The following MAPKAP1 variants were observed in gnomAD, a reference collection of about 807,000 sequenced individuals.
MAPKAP1 encodes the protein MAPK associated protein 1, also known as target of rapamycin complex 2 subunit MAPKAP1.
MAPKAP1 carries 20 observed loss-of-function variants against 65.7 expected under a neutral mutation model. That is an observed-to-expected ratio of 0.30 (90% confidence interval 0.21 to 0.44). The LOEUF (loss-of-function observed/expected upper bound fraction) is 0.44, where lower values mean the gene tolerates loss of function less well. Ranked by LOEUF, MAPKAP1 falls within the 20% of genes least tolerant of loss-of-function variation. The pLI is 1.00. For synonymous variants in MAPKAP1, 222 were observed against 244.3 expected (o/e 0.91, Z 0.85); for missense variants, 423 against 648.0 (o/e 0.65, Z 3.77).
At chr9:125,603,406 G>A (rs895407474) in intron 4 of MAPKAP1, among the ~76,000 whole-genome samples, 4 of 33,714 alleles carry the variant, frequency 1.2e-4, no homozygotes, top group Admixed American at 4.7e-4. Flanking sequence ...GGAGAGATGG[G>A]CGAGCAAGCA....
At chr9:125,573,611 G>A (rs780285005) in intron 5 of MAPKAP1, among the ~76,000 whole-genome samples, 11 of 152,122 alleles carry the variant, frequency 7.2e-5, no homozygotes, top group Non-Finnish European at 1.2e-4. Context: ...TTTCTTGCAT[G>A]AGATCCAAAA....
chr9:125,627,013 AT>A, intron 4 of MAPKAP1, among the ~76,000 whole-genome samples: 1 of 152,128 alleles, frequency 6.6e-6, no homozygotes. Context: ...CTTATCACTT[AT>A]TTTTTTCACC....
At chr9:125,535,060 T>A (rs1277295802) in intron 7 of MAPKAP1, among the ~76,000 whole-genome samples, 1 of 152,214 alleles carries the variant, frequency 6.6e-6, no homozygotes, top group Non-Finnish European at 1.5e-5. Flanking sequence ...AGAACATAAA[T>A]GCACTTCTAT....
At chr9:125,547,658 G>T (rs937321021) in intron 6 of MAPKAP1, among the ~76,000 whole-genome samples, 1 of 152,164 alleles carries the variant, frequency 6.6e-6, no homozygotes, top group Non-Finnish European at 1.5e-5. Context: ...TGCTTATCGG[G>T]GGGTGGGAGT....
chr9:125,614,578 T>G (rs1224198730), intron 4 of MAPKAP1, among the ~76,000 whole-genome samples: 1 of 152,136 alleles, frequency 6.6e-6, no homozygotes, highest in Non-Finnish European at 1.5e-5. Flanking sequence ...TGAGCCAAGA[T>G]CGCGCCATTG....
chr9:125,562,064 T>C (rs1830908845), intron 5 of MAPKAP1, among the ~76,000 whole-genome samples: 1 of 152,200 alleles, frequency 6.6e-6, no homozygotes, highest in Non-Finnish European at 1.5e-5. Flanking sequence ...ACAGATTATT[T>C]ATTGCCATGT....
intron 1 of MAPKAP1, among the ~76,000 whole-genome samples, chr9:125,704,550 C>A (rs1835702120): frequency 6.6e-6 from 1 of 152,118 alleles, no homozygotes; most frequent in Non-Finnish European, 1.5e-5. Flanking sequence ...TTTGTATCCC[C>A]AAGGTCTAAC....
intron 4 of MAPKAP1, among the ~76,000 whole-genome samples, chr9:125,646,204 T>A (rs1476271479): frequency 5.9e-5 from 9 of 152,110 alleles, no homozygotes; most frequent in African/African-American, 2.2e-4. Context: ...CTTAGTATTA[T>A]AAATGCCTGG....
At chr9:125,576,550 G>A (rs1053180977) in intron 5 of MAPKAP1, among the ~76,000 whole-genome samples, 7 of 151,900 alleles carry the variant, frequency 4.6e-5, no homozygotes, top group East Asian at 1.9e-4. Flanking sequence ...CTCTTTCCAC[G>A]GTCTCCCTCT....
chr9:125,522,489 G>A (rs1829648542), intron 7 of MAPKAP1, among the ~76,000 whole-genome samples: 1 of 152,158 alleles, frequency 6.6e-6, no homozygotes, highest in Non-Finnish European at 1.5e-5. Context: ...TAGTGAACAC[G>A]GCACTCTCAA....
chr9:125,500,976 G>T (rs1828961046), intron 8 of MAPKAP1, among the ~76,000 whole-genome samples: 1 of 152,146 alleles, frequency 6.6e-6, no homozygotes, highest in Non-Finnish European at 1.5e-5. Context: ...AGTCACATAG[G>T]AGTGTATTGG....
intron 5 of MAPKAP1, among the ~76,000 whole-genome samples, chr9:125,578,194 G>A (rs866376244): frequency 2.0e-5 from 3 of 152,288 alleles, no homozygotes; most frequent in South Asian, 2.1e-4. Flanking sequence ...GATTAAGGGC[G>A]TGCAAGATGT....
intron 1 of MAPKAP1, among the ~76,000 whole-genome samples, chr9:125,698,296 T>TATATATATATA (rs1564622383): frequency 9.9e-5 from 1 of 10,064 alleles, no homozygotes; most frequent in African/African-American, 4.3e-4. Context: ...TAAATATATA[T>TATATATATATA]ATATATATAT....
At position 125,495,810 on chromosome 9, in the gene MAPKAP1, T is replaced by C. The variant is rs1046214016; in HGVS notation, c.1066+10500A>G. On this transcript the variant is annotated intron_variant, in intron 8 of 11. Coordinates refer to ENST00000265960, the MANE Select transcript of MAPKAP1 (RefSeq NM_001006617.3). ...TGCCCCAGGTGTCAGCTACCCTTGGTGCTGGCCAATGCCCAAAGGGGCCTG... is the reference window on the plus strand; with the variant it reads ...TGCCCCAGGTGTCAGCTACCCTTGGCGCTGGCCAATGCCCAAAGGGGCCTG... 1.2e-4 allele frequency among the ~76,000 whole-genome samples: 18 copies of C among 152,182 alleles called. 1 individual carries two copies. Among genetic ancestry groups the C allele is most frequent in the Admixed American group, 9.2e-4 (14 of 15,282 alleles).
At chr9:125,560,334 C>T (rs954035472) in intron 5 of MAPKAP1, among the ~76,000 whole-genome samples, 2 of 152,150 alleles carry the variant, frequency 1.3e-5, no homozygotes, top group Non-Finnish European at 2.9e-5. Context: ...GCCTGTAATC[C>T]CAGCACTTTG....
intron 4 of MAPKAP1, among the ~76,000 whole-genome samples, chr9:125,645,201 A>C (rs1340533098): frequency 6.6e-6 from 1 of 152,190 alleles, no homozygotes; most frequent in Non-Finnish European, 1.5e-5. Context: ...GCAGAGAGAA[A>C]TACAAGCCCC....
chr9:125,475,470 C>T (rs1284083005), intron 9 of MAPKAP1, among the ~76,000 whole-genome samples: 1 of 152,152 alleles, frequency 6.6e-6, no homozygotes, highest in African/African-American at 2.4e-5. Flanking sequence ...GTTTGGGAAC[C>T]ACAGCTAAAA....
intron 4 of MAPKAP1, among the ~76,000 whole-genome samples, chr9:125,625,603 T>TG (rs1420207371): frequency 2.0e-5 from 3 of 152,178 alleles, no homozygotes; most frequent in Non-Finnish European, 4.4e-5. Context: ...GAGACTAGCC[T>TG]GGCCAACATG....
chr9:125,516,143 C>G (rs1207963854), intron 7 of MAPKAP1, among the ~76,000 whole-genome samples: 1 of 152,152 alleles, frequency 6.6e-6, no homozygotes, highest in Admixed American at 6.5e-5. Context: ...TGAAAGAAGA[C>G]GCCGTCTACA....
Sources: allele counts gnomAD v4.1 joint callset (sites outside exome capture counted in the v4.1 genomes callset), GRCh38; gene constraint gnomAD v4.1.1; transcripts MANE v1.5; gene names NCBI Gene and HGNC (gene_info 2026-07-23, HGNC 2026-07-21).